The following MBD5 variants were observed in gnomAD, a reference collection of about 807,000 sequenced individuals.
The protein encoded by MBD5 is methyl-CpG-binding domain protein 5.
MBD5 carries 13 observed loss-of-function variants against 117.3 expected under a neutral mutation model. That is an observed-to-expected ratio of 0.11 (90% confidence interval 0.07 to 0.18). MBD5 has a LOEUF of 0.18. Ranked by LOEUF, MBD5 falls within the 10% of genes least tolerant of loss-of-function variation. MBD5 has a pLI of 1.00. For synonymous variants in MBD5, 727 were observed against 766.4 expected (o/e 0.95, Z 0.85); for missense variants, 1,879 against 2,093.8 (o/e 0.90, Z 2.00).
intron 3 of MBD5, among the ~76,000 whole-genome samples, chr2:148,291,385 T>C (rs1701497647): frequency 6.6e-6 from 1 of 152,232 alleles, no homozygotes; most frequent in Non-Finnish European, 1.5e-5. Context: ...ACTGATATTT[T>C]GTAGTTTTTA....
At chr2:148,090,675 G>A (rs751416188) in intron 1 of MBD5, among the ~76,000 whole-genome samples, 1 of 152,042 alleles carries the variant, frequency 6.6e-6, no homozygotes, top group Non-Finnish European at 1.5e-5. Context: ...ACCAAAGACA[G>A]CATAGAAGGG....
At chr2:148,477,269 A>G (rs1680998415) in intron 8 of MBD5, among the ~76,000 whole-genome samples, 1 of 152,050 alleles carries the variant, frequency 6.6e-6, no homozygotes, top group South Asian at 2.1e-4. Context: ...TCTCCTCCCC[A>G]TCCTCTTGGC....
At position 148,458,545 on chromosome 2, in the gene MBD5, A is replaced by G. The variant is rs1706955978; in HGVS notation, c.-214A>G. 3.3e-6 allele frequency: 2 copies of G among 608,750 alleles called. No homozygotes were observed. Among genetic ancestry groups the G allele is most frequent in the Admixed American group, 2.8e-5 (1 of 36,064 alleles). The allele number at this position is 608,750 out of a possible 1,614,324, so 37.7% of individuals were successfully genotyped here. On this transcript the variant is annotated 5_prime_UTR_variant, in exon 5 of 14. Coordinates refer to ENST00000642680, the MANE Select transcript of MBD5 (RefSeq NM_001378120.1). Reference sequence around the variant, plus strand: ...CATCCTTAGGAATTAAATATTGGTTATTTAATGTAGATTATAATGGGAAGC... The same window carrying G: ...CATCCTTAGGAATTAAATATTGGTTGTTTAATGTAGATTATAATGGGAAGC...
intron 1 of MBD5, among the ~76,000 whole-genome samples, chr2:148,124,310 C>CA (rs200173527): frequency 3.9e-3 from 596 of 150,926 alleles, no homozygotes; most frequent in East Asian, 8.6e-3. Flanking sequence ...CACACACACA[C>CA]ACAAAAAACA....
intron 1 of MBD5, among the ~76,000 whole-genome samples, chr2:148,051,050 C>A (rs568424190): frequency 6.6e-6 from 1 of 152,206 alleles, no homozygotes; most frequent in South Asian, 2.1e-4. Context: ...TCTTCCAGTC[C>A]ATGAACAGTA....
At chr2:148,262,834 T>C (rs1700764364) in intron 3 of MBD5, among the ~76,000 whole-genome samples, 1 of 152,190 alleles carries the variant, frequency 6.6e-6, no homozygotes, top group African/African-American at 2.4e-5. Context: ...GCATTTTAGA[T>C]AGATTGTTTT....
At chr2:148,076,595 G>A (rs998112292) in intron 1 of MBD5, among the ~76,000 whole-genome samples, 1 of 152,204 alleles carries the variant, frequency 6.6e-6, no homozygotes, top group Non-Finnish European at 1.5e-5. Context: ...CAAGGAAGCT[G>A]TGAAGTTAGT....
At chr2:148,113,517 G>T (rs1696551062) in intron 1 of MBD5, among the ~76,000 whole-genome samples, 1 of 152,164 alleles carries the variant, frequency 6.6e-6, no homozygotes, top group African/African-American at 2.4e-5. Context: ...CATGTGTAGA[G>T]AAATGATTTC....
At chr2:148,064,687 C>T (rs1397687598) in intron 1 of MBD5, among the ~76,000 whole-genome samples, 3 of 152,180 alleles carry the variant, frequency 2.0e-5, no homozygotes, top group Non-Finnish European at 4.4e-5. Context: ...TTACTCAAGA[C>T]ACAAACAAAT....
intron 3 of MBD5, among the ~76,000 whole-genome samples, chr2:148,311,822 G>A (rs1702039923): frequency 6.6e-6 from 1 of 152,118 alleles, no homozygotes; most frequent in African/African-American, 2.4e-5. Flanking sequence ...CTTCCTTCAG[G>A]AGCTCTTGTA....
chr2:148,108,915 T>A (rs530899352), intron 1 of MBD5, among the ~76,000 whole-genome samples: 1 of 152,322 alleles, frequency 6.6e-6, no homozygotes, highest in South Asian at 2.1e-4. Flanking sequence ...GGCATTACAT[T>A]TGCAAAGTCA....
At chr2:148,317,395 T>C (rs1702180462) in intron 3 of MBD5, among the ~76,000 whole-genome samples, 1 of 151,886 alleles carries the variant, frequency 6.6e-6, no homozygotes, top group Non-Finnish European at 1.5e-5. Flanking sequence ...GTTAACCACA[T>C]CTAAAGAACC....
chr2:148,371,302 A>T (rs1394108547), intron 4 of MBD5, among the ~76,000 whole-genome samples: 1 of 152,100 alleles, frequency 6.6e-6, no homozygotes, highest in Non-Finnish European at 1.5e-5. Flanking sequence ...TGGAGCTCTT[A>T]TTTACAACAG....
rs368605084 is a variant in MBD5 at position 148,489,771 on chromosome 2, G to A, written c.4139G>A (p.Arg1380Gln). ...SSAVSAVIHG[R>Q]NMGGVDHDGR... ...GCTGTCAGTGCGGTCATTCATGGAC[G>A]GAACATGGGAGGTGTTGATCATGAT... is the stretch of plus-strand genomic sequence containing the variant. The change falls in exon 11 of 14, where the codon CGG becomes CAG. Residue 1380 changes from arginine to glutamine, a missense_variant. By Grantham distance (43) the Arg-to-Gln change is conservative. Coordinates refer to ENST00000642680, the MANE Select transcript of MBD5 (RefSeq NM_001378120.1). The A allele has an allele frequency of 5.9e-5, 95 of 1,614,020 alleles. No homozygotes were observed. The highest frequency in any genetic ancestry group is 7.5e-5 in the Non-Finnish European group (89 of 1,180,036).
In MBD5 at chr2:148,442,295, TA is replaced by T. The variant is rs567064437; in HGVS notation, c.-556-15907del. ...TAGTGTTCATCATTCACTCATCAAA[TA>T]TTTTTGGTTCCAGTATGTGCAAGGC... is the stretch of plus-strand genomic sequence containing the variant. On this transcript the variant is annotated intron_variant, in intron 4 of 13. Coordinates refer to ENST00000642680, the MANE Select transcript of MBD5 (RefSeq NM_001378120.1). 1.6e-3 allele frequency among the ~76,000 whole-genome samples: 241 copies of T among 151,522 alleles called. 12 individuals carry two copies. Among genetic ancestry groups the T allele is most frequent in the African/African-American group, 5.7e-3 (232 of 40,850 alleles).
chr2:148,300,963 G>T (rs1332222768), intron 3 of MBD5, among the ~76,000 whole-genome samples: 1 of 152,178 alleles, frequency 6.6e-6, no homozygotes, highest in Non-Finnish European at 1.5e-5. Context: ...TCCTGGTTGG[G>T]TAACTTCCAA....
intron 1 of MBD5, among the ~76,000 whole-genome samples, chr2:148,048,860 G>C (rs910718003): frequency 1.3e-5 from 2 of 152,114 alleles, no homozygotes; most frequent in Admixed American, 1.3e-4. Flanking sequence ...GGGTGGGTAT[G>C]AGATAAGCCT....
intron 2 of MBD5, among the ~76,000 whole-genome samples, chr2:148,184,620 A>T (rs535087431): frequency 6.6e-6 from 1 of 152,146 alleles, no homozygotes; most frequent in East Asian, 1.9e-4. Context: ...GGGACATCAG[A>T]TCTAATAATT....
chr2:148,126,854 A>G (rs749530855), intron 1 of MBD5, among the ~76,000 whole-genome samples: 1 of 152,190 alleles, frequency 6.6e-6, no homozygotes, highest in Non-Finnish European at 1.5e-5. Flanking sequence ...AATATGATTC[A>G]TAGTATACTG....
Sources: gnomAD v4.1 joint callset for allele counts (sites outside exome capture counted in the v4.1 genomes callset) on GRCh38, gnomAD v4.1.1 for gene constraint, MANE v1.5 for transcripts, NCBI Gene and HGNC (gene_info 2026-07-23, HGNC 2026-07-21) for gene names.